The following TFDP2 variants were observed in gnomAD, a reference collection of about 807,000 sequenced individuals.
TFDP2 encodes transcription factor Dp-2.
A neutral mutation model predicts 59.3 loss-of-function variants in TFDP2; 17 were observed. The observed-to-expected ratio is 0.29, with a 90% confidence interval of 0.20 to 0.43. The LOEUF (loss-of-function observed/expected upper bound fraction) is 0.43. TFDP2 is among the 20% of genes least tolerant of loss of function. The probability of loss-of-function intolerance (pLI) is 1.00; values close to 1 mark genes in which losing one functional copy is unlikely to be tolerated. For synonymous variants in TFDP2, 180 were observed against 194.7 expected (o/e 0.92, Z 0.63); for missense variants, 391 against 528.8 (o/e 0.74, Z 2.56).
chr3:142,036,129 AAAG>A (rs1291504311), intron 3 of TFDP2, among the ~76,000 whole-genome samples: 11 of 152,320 alleles, frequency 7.2e-5, no homozygotes, highest in African/African-American at 2.2e-4. Context: ...GAAAAAAAAT[AAAG>A]AAGATCACTT....
intron 3 of TFDP2, among the ~76,000 whole-genome samples, chr3:142,015,716 C>T (rs899489521): frequency 6.6e-6 from 1 of 152,220 alleles, no homozygotes; most frequent in Non-Finnish European, 1.5e-5. Flanking sequence ...ACAGCACTCA[C>T]TAGACACAGG....
At chr3:142,078,699 C>G (rs536474792) in intron 3 of TFDP2, among the ~76,000 whole-genome samples, 1 of 152,082 alleles carries the variant, frequency 6.6e-6, no homozygotes, top group Non-Finnish European at 1.5e-5. Flanking sequence ...AGCCCAGACA[C>G]CAAAGACTAC....
At chr3:142,056,860 G>A (rs1037196727) in intron 3 of TFDP2, among the ~76,000 whole-genome samples, 3 of 152,162 alleles carry the variant, frequency 2.0e-5, no homozygotes, top group Non-Finnish European at 2.9e-5. Flanking sequence ...CTACAGCCCT[G>A]GCCAATTGCT....
rs542004803 is a variant in TFDP2, at chr3:142,066,824, T to A, written c.82+26237A>T. Among the ~76,000 whole-genome samples, 5 of 152,186 alleles carry A rather than the reference T, an allele frequency of 3.3e-5. No homozygotes were observed. In the East Asian group the frequency reaches 7.7e-4, roughly 24 times the overall value. ...TTGTGTACTTCTCTCATAACTGAGG[T>A]TTATCCAGGAAATCCAAGGCTGATT... On this transcript the variant is annotated intron_variant, in intron 3 of 12. Coordinates refer to ENST00000489671, the MANE Select transcript of TFDP2 (RefSeq NM_001178139.2).
intron 3 of TFDP2, among the ~76,000 whole-genome samples, chr3:142,005,936 TTGA>T (rs1560017221): frequency 6.6e-6 from 1 of 152,150 alleles, no homozygotes; most frequent in Admixed American, 6.5e-5. Flanking sequence ...AATAATATAC[TTGA>T]TGATGAAACA....
intron 3 of TFDP2, among the ~76,000 whole-genome samples, chr3:142,081,610 G>GGTTTTTTTT (rs2060641018): frequency 6.6e-6 from 1 of 151,874 alleles, no homozygotes; most frequent in African/African-American, 2.4e-5. Context: ...AAAGAGAGAA[G>GGTTTTTTTT]ACCCAAATAA....
At chr3:142,052,540 CA>C (rs928330112) in intron 3 of TFDP2, among the ~76,000 whole-genome samples, 1 of 148,988 alleles carries the variant, frequency 6.7e-6, no homozygotes, top group African/African-American at 2.5e-5. Flanking sequence ...GACTCTGTCT[CA>C]AAGAAAAAAA....
chr3:142,047,934 G>A (rs1947427244), intron 3 of TFDP2, among the ~76,000 whole-genome samples: 1 of 151,780 alleles, frequency 6.6e-6, no homozygotes, highest in Non-Finnish European at 1.5e-5. Flanking sequence ...TAGAGACGCG[G>A]TCTCACCACG....
chr3:142,008,850 T>C (rs1944424542), intron 3 of TFDP2, among the ~76,000 whole-genome samples: 1 of 152,178 alleles, frequency 6.6e-6, no homozygotes, highest in Non-Finnish European at 1.5e-5. Context: ...GTGTGTATAT[T>C]TTTTCCTCAT....
chr3:142,143,309 A>G (rs986003017), intron 1 of TFDP2, among the ~76,000 whole-genome samples: 13 of 152,206 alleles, frequency 8.5e-5, no homozygotes, highest in African/African-American at 2.9e-4. Context: ...CTAGAAGAAA[A>G]TATTGGGGAA....
chr3:141,963,380 T>C (rs1166561873), intron 10 of TFDP2, among the ~76,000 whole-genome samples: 1 of 152,216 alleles, frequency 6.6e-6, no homozygotes, highest in East Asian at 1.9e-4. Flanking sequence ...ATAACTATGA[T>C]ATAGCAAAAC....
chr3:142,051,391 T>C (rs1286713586), intron 3 of TFDP2, among the ~76,000 whole-genome samples: 1 of 152,048 alleles, frequency 6.6e-6, no homozygotes, highest in Non-Finnish European at 1.5e-5. Context: ...TTACAAAAAT[T>C]GGCTGGGCGT....
At chr3:142,100,080 T>C (rs2061274452) in intron 2 of TFDP2, among the ~76,000 whole-genome samples, 2 of 152,350 alleles carry the variant, frequency 1.3e-5, no homozygotes, top group East Asian at 3.9e-4. Flanking sequence ...TTCTGAATTA[T>C]AACCCAAAAT....
chr3:141,968,346 CTATA>C (rs1164664713), intron 9 of TFDP2, among the ~76,000 whole-genome samples: 1 of 99,482 alleles, frequency 1.0e-5, no homozygotes, highest in Non-Finnish European at 2.1e-5. Context: ...TAATATATAA[CTATA>C]TATAACATAT....
chr3:142,061,297 G>GA (rs890562720), intron 3 of TFDP2, among the ~76,000 whole-genome samples: 4 of 152,052 alleles, frequency 2.6e-5, no homozygotes, highest in African/African-American at 9.7e-5. Flanking sequence ...AATCATCCAG[G>GA]AAATACAAAT....
intron 6 of TFDP2, 26 bp from the exon 7 acceptor site, chr3:141,978,708 C>A (rs530693532): frequency 1.3e-6 from 2 of 1,532,826 alleles, no homozygotes; most frequent in Admixed American, 2.0e-5. Context: ...GTTTTTTTTA[C>A]TCCATTATAC....
chr3:142,050,459 G>A (rs1947562993), intron 3 of TFDP2, among the ~76,000 whole-genome samples: 1 of 152,114 alleles, frequency 6.6e-6, no homozygotes, highest in African/African-American at 2.4e-5. Flanking sequence ...ACTTTAGGAG[G>A]CCGAGGCAGG....
At chr3:141,986,383 T>A (rs902811524) in intron 6 of TFDP2, among the ~76,000 whole-genome samples, 4 of 152,234 alleles carry the variant, frequency 2.6e-5, no homozygotes, top group Non-Finnish European at 5.9e-5. Context: ...CTCAAGAATA[T>A]CTGTTACCAT....
At chr3:142,047,410 C>T (rs190749487) in intron 3 of TFDP2, among the ~76,000 whole-genome samples, 77 of 152,248 alleles carry the variant, frequency 5.1e-4, no homozygotes, top group Admixed American at 2.4e-3. Context: ...AGGTTAACAA[C>T]GTATAGTCAA....
Sources: gnomAD v4.1 joint callset for allele counts (sites outside exome capture counted in the v4.1 genomes callset) on GRCh38, gnomAD v4.1.1 for gene constraint, MANE v1.5 for transcripts, NCBI Gene and HGNC (gene_info 2026-07-23, HGNC 2026-07-21) for gene names.